The following DAOA variants were observed in gnomAD, a reference collection of about 807,000 sequenced individuals.
The protein encoded by DAOA is D-amino acid oxidase regulator.
In DAOA, 15 loss-of-function variants were observed where a neutral mutation model predicts 16.4. The ratio of observed to expected loss-of-function variants is 0.91; its 90% CI spans 0.61 to 1.41. The LOEUF (loss-of-function observed/expected upper bound fraction) is 1.41. DAOA is among the 40% of genes most tolerant of loss of function. The pLI, the probability that DAOA is intolerant of heterozygous loss-of-function variation, is 0.00. For synonymous variants in DAOA, 75 were observed against 59.1 expected (o/e 1.27, Z -1.23); for missense variants, 230 against 176.8 (o/e 1.30, Z -1.71).
At chr13:105,486,018 A>T (rs892981111) in intron 4 of DAOA, among the ~76,000 whole-genome samples, 4 of 152,178 alleles carry the variant, frequency 2.6e-5, no homozygotes, top group Non-Finnish European at 5.9e-5. Context: ...GACAAGAGCC[A>T]CTTCAGCTCC....
chr13:105,467,260 G>C, intron 3 of DAOA, 119 bp downstream of exon 3: 1 of 1,152,438 alleles, frequency 8.7e-7, no homozygotes. Flanking sequence ...CAATTAATTT[G>C]TAAGATACAG....
chr13:105,483,885 A>T (rs1452718794), intron 4 of DAOA, among the ~76,000 whole-genome samples: 1 of 152,050 alleles, frequency 6.6e-6, no homozygotes, highest in Non-Finnish European at 1.5e-5. Flanking sequence ...AATTTTTATG[A>T]AGTCCAGTTT....
chr13:105,474,363 T>C (rs1877196740), intron 4 of DAOA, among the ~76,000 whole-genome samples: 1 of 152,020 alleles, frequency 6.6e-6, no homozygotes, highest in Non-Finnish European at 1.5e-5. Flanking sequence ...AGTGTGTGCA[T>C]GCGCGTGTGT....
At chr13:105,490,752 C>T (rs1283909478) in intron 5 of DAOA, 160 bp from the exon 6 acceptor site, 1 of 151,592 alleles carries the variant, frequency 6.6e-6, no homozygotes, top group East Asian at 1.9e-4. Flanking sequence ...ATTCACTTTC[C>T]TTCAAAAAAT....
At chr13:105,484,199 T>G (rs1877952919) in intron 4 of DAOA, among the ~76,000 whole-genome samples, 1 of 151,258 alleles carries the variant, frequency 6.6e-6, no homozygotes, top group African/African-American at 2.4e-5. Flanking sequence ...ATAGGTCTAT[T>G]TTTTTTTTAC....
At chr13:105,482,683 T>C (rs564732867) in intron 4 of DAOA, among the ~76,000 whole-genome samples, 51 of 151,946 alleles carry the variant, frequency 3.4e-4, no homozygotes, top group Non-Finnish European at 6.9e-4. Flanking sequence ...ACTTTTTGTA[T>C]TTTTAGTAGA....
chr13:105,476,614 T>TA (rs1039731547), intron 4 of DAOA, among the ~76,000 whole-genome samples: 2 of 151,954 alleles, frequency 1.3e-5, no homozygotes, highest in Admixed American at 6.6e-5. Context: ...GTGGGTATTT[T>TA]AAAAAATAAT....
At position 105,487,926 on chromosome 13, in the gene DAOA, C is replaced by T. The variant is rs184512351; in HGVS notation, c.282-1975C>T. Among the ~76,000 whole-genome samples the T allele has an allele frequency of 5.6e-4, 86 of 152,226 alleles. 1 individual carries two copies. Among genetic ancestry groups the T allele is most frequent in the African/African-American group, 2.1e-3 (86 of 41,560 alleles). On this transcript the variant is annotated intron_variant, in intron 4 of 5. Transcript: ENST00000375936. The stretch of plus-strand genomic sequence containing the variant: ...TTCTTTGAGATTTTGAATACTTTTG[C>T]CACCCCTGGGGACATGCTTTGAATC...
chr13:105,467,617 C>T (rs1479892549), intron 3 of DAOA: 3 of 144,926 alleles, frequency 2.1e-5, no homozygotes, highest in African/African-American at 7.7e-5. Flanking sequence ...CAGGGTCTCA[C>T]TATGTTGCCC....
At chr13:105,479,279 GAAGTGT>G (rs2139188615) in intron 4 of DAOA, among the ~76,000 whole-genome samples, 1 of 152,262 alleles carries the variant, frequency 6.6e-6, no homozygotes, top group East Asian at 1.9e-4. Flanking sequence ...AAACATTACA[GAAGTGT>G]AAGAATGCTA....
Position 105,490,025 on chromosome 13 carries a change from C to G in DAOA, c.406C>G (p.Gln136Glu), listed in dbSNP as rs72549493. 1,097 of 1,608,548 alleles carry G rather than the reference C, an allele frequency of 6.8e-4. 10 individuals are homozygous for G. The African/African-American group carries it at 0.013, about 19-fold the overall frequency. Reference protein sequence around the residue: ...LERMWTCNYNQQKDQSCNHKE... With the variant: ...LERMWTCNYNEQKDQSCNHKE... Reference sequence around the variant, plus strand: ...ACGAATGTGGACCTGCAACTACAACCAGCAAAAAGACCAGTCATGCAACCA... The same window carrying G: ...ACGAATGTGGACCTGCAACTACAACGAGCAAAAAGACCAGTCATGCAACCA... The change falls in exon 5 of 6, where the codon CAG becomes GAG. Residue 136 changes from glutamine to glutamate, a missense_variant. Physicochemically the swap from Gln to Glu is conservative, Grantham distance 29 (BLOSUM62 2). Transcript: ENST00000375936.
intron 3 of DAOA, among the ~76,000 whole-genome samples, chr13:105,471,251 G>T (rs931418954): frequency 6.6e-6 from 1 of 152,180 alleles, no homozygotes; most frequent in Non-Finnish European, 1.5e-5. Context: ...AATACAGTTT[G>T]ATAATTGAGT....
At chr13:105,482,066 A>G (rs1403699223) in intron 4 of DAOA, among the ~76,000 whole-genome samples, 1 of 152,074 alleles carries the variant, frequency 6.6e-6, no homozygotes, top group African/African-American at 2.4e-5. Context: ...TCCCCTTTAT[A>G]AAACCATTAG....
rs1447577168 is a variant in DAOA at position 105,466,227 on chromosome 13, G to A, written c.-62G>A. ...TTCTGTTGGTCCAGGATTTGGAAAGGGCATGGCAGGAGGTCTCATCTCTGC... is the reference window on the plus strand; with the variant it reads ...TTCTGTTGGTCCAGGATTTGGAAAGAGCATGGCAGGAGGTCTCATCTCTGC... On this transcript the variant is annotated 5_prime_UTR_variant, in exon 2 of 6. Coordinates refer to ENST00000375936, the MANE Select transcript of DAOA (RefSeq NM_172370.5). The A allele has an allele frequency of 9.3e-6, 15 of 1,611,270 alleles. No individual in the cohort carries two copies. Among genetic ancestry groups the A allele is most frequent in the African/African-American group, 2.7e-5 (2 of 74,890 alleles).
intron 3 of DAOA, among the ~76,000 whole-genome samples, chr13:105,467,387 G>A (rs541807538): frequency 6.6e-6 from 1 of 152,034 alleles, no homozygotes; most frequent in Non-Finnish European, 1.5e-5. Flanking sequence ...TGAAGAGATC[G>A]ATATCTCTTT....
At chr13:105,473,860 A>G (rs1355575118) in intron 4 of DAOA, among the ~76,000 whole-genome samples, 2 of 152,102 alleles carry the variant, frequency 1.3e-5, no homozygotes, top group Non-Finnish European at 2.9e-5. Flanking sequence ...TTTGTACTAC[A>G]GGAAAGCTAC....
intron 4 of DAOA, among the ~76,000 whole-genome samples, chr13:105,485,534 C>G (rs145134152): frequency 6.6e-6 from 1 of 152,152 alleles, no homozygotes; most frequent in African/African-American, 2.4e-5. Flanking sequence ...CAATAATCCC[C>G]TGTTTGGGGT....
At chr13:105,470,881 C>T (rs951299612) in intron 3 of DAOA, among the ~76,000 whole-genome samples, 1 of 152,124 alleles carries the variant, frequency 6.6e-6, no homozygotes, top group Non-Finnish European at 1.5e-5. Context: ...AGCTCCGCCT[C>T]CCGGGTTCAT....
chr13:105,474,610 A>C (rs1006627744), intron 4 of DAOA, among the ~76,000 whole-genome samples: 1 of 152,156 alleles, frequency 6.6e-6, no homozygotes, highest in Non-Finnish European at 1.5e-5. Context: ...GACTGACTAA[A>C]GCCAGCAAAT....
Sources: gnomAD v4.1 joint callset for allele counts (sites outside exome capture counted in the v4.1 genomes callset) on GRCh38, gnomAD v4.1.1 for gene constraint, MANE v1.5 for transcripts, NCBI Gene and HGNC (gene_info 2026-07-23, HGNC 2026-07-21) for gene names.